Variants in CTNNA3 observed in about 807,000 individuals in gnomAD.
The protein encoded by CTNNA3 is catenin alpha-3.
A neutral mutation model predicts 95.7 loss-of-function variants in CTNNA3; 76 were observed. That is an observed-to-expected ratio of 0.79 (90% confidence interval 0.66 to 0.96). CTNNA3 has a LOEUF of 0.96. Among genes scored for constraint, CTNNA3 ranks in the 40% least tolerant of loss-of-function variants. The probability of loss-of-function intolerance (pLI) is 0.00; values close to 1 mark genes in which losing one functional copy is unlikely to be tolerated. For missense variants in CTNNA3, 1,191 were observed against 1,089.8 expected (o/e 1.09, Z -1.31); for synonymous variants, 431 against 374.4 (o/e 1.15, Z -1.74).
intron 1 of CTNNA3, chr10:67,750,862 G>A (rs774373273): frequency 3.1e-6 from 5 of 1,610,772 alleles, no homozygotes; most frequent in South Asian, 1.1e-5. Flanking sequence ...CCTCACACAG[G>A]AGAAACTGAT....
At chr10:66,741,987 A>G (rs1849341404) in intron 9 of CTNNA3, among the ~76,000 whole-genome samples, 1 of 152,190 alleles carries the variant, frequency 6.6e-6, no homozygotes, top group Non-Finnish European at 1.5e-5. Context: ...TTTGAACAAT[A>G]TGAAATCTGG....
chr10:66,833,334 A>G (rs904204813), intron 7 of CTNNA3, among the ~76,000 whole-genome samples: 1 of 152,176 alleles, frequency 6.6e-6, no homozygotes. Flanking sequence ...GAATCCACCT[A>G]AAGATTTTTT....
chr10:67,745,683 C>T (rs1332483627), intron 1 of CTNNA3, among the ~76,000 whole-genome samples: 1 of 151,722 alleles, frequency 6.6e-6, no homozygotes, highest in Non-Finnish European at 1.5e-5. Flanking sequence ...TAAAAAAAGA[C>T]TCCATGAAAA....
chr10:66,929,420 C>A lies in CTNNA3; in HGVS notation c.1048-153896G>T, dbSNP rs1847247912. ...AATGTAGTTAGTAGAATCCTTAGCT[C>A]TGTCCTGTTCTGTTCAGAATTTGTC... On this transcript the variant is annotated intron_variant, in intron 7 of 17. Coordinates refer to ENST00000433211, the MANE Select transcript of CTNNA3 (RefSeq NM_013266.4). Among the ~76,000 whole-genome samples the A allele has an allele frequency of 2.0e-5, 3 of 152,142 alleles. No homozygotes were observed. In the South Asian group the frequency reaches 6.2e-4, roughly 32 times the overall value.
At chr10:66,760,133 G>C (rs1029741096) in intron 9 of CTNNA3, among the ~76,000 whole-genome samples, 3 of 152,120 alleles carry the variant, frequency 2.0e-5, no homozygotes, top group Non-Finnish European at 4.4e-5. Context: ...TGTGAGATTA[G>C]AATCAATTGT....
At chr10:67,101,218 A>C (rs2131944381) in intron 7 of CTNNA3, among the ~76,000 whole-genome samples, 1 of 151,870 alleles carries the variant, frequency 6.6e-6, no homozygotes, top group Non-Finnish European at 1.5e-5. Flanking sequence ...GCACAAGGAA[A>C]GAAACCCCAA....
intron 6 of CTNNA3, among the ~76,000 whole-genome samples, chr10:67,216,585 AG>A (rs1455629603): frequency 6.6e-6 from 1 of 152,198 alleles, no homozygotes; most frequent in Non-Finnish European, 1.5e-5. Context: ...GCATTATTCT[AG>A]GTGCTGGAGA....
chr10:66,811,586 T>G (rs770181416), intron 7 of CTNNA3, among the ~76,000 whole-genome samples: 59 of 152,248 alleles, frequency 3.9e-4, no homozygotes, highest in Non-Finnish European at 2.2e-4. Flanking sequence ...TAGCAGAACA[T>G]TTAGCGTCTC....
intron 3 of CTNNA3, among the ~76,000 whole-genome samples, chr10:67,590,139 C>A (rs1473076901): frequency 6.6e-6 from 1 of 151,994 alleles, no homozygotes; most frequent in Admixed American, 6.6e-5. Context: ...CTGTTCTTTG[C>A]AATATCATGT....
intron 13 of CTNNA3, among the ~76,000 whole-genome samples, chr10:66,211,991 T>G (rs1029547880): frequency 4.9e-5 from 7 of 142,386 alleles, no homozygotes; most frequent in Non-Finnish European, 7.6e-5. Context: ...GGGTTTTTTT[T>G]TTTTTTTTTT....
At chr10:67,315,671 T>G (rs1841015521) in intron 5 of CTNNA3, among the ~76,000 whole-genome samples, 1 of 152,136 alleles carries the variant, frequency 6.6e-6, no homozygotes, top group Non-Finnish European at 1.5e-5. Flanking sequence ...AACTCTATTT[T>G]TAAATGGAAC....
intron 5 of CTNNA3, among the ~76,000 whole-genome samples, chr10:67,401,160 G>C (rs1429533523): frequency 6.6e-6 from 1 of 152,106 alleles, no homozygotes; most frequent in Non-Finnish European, 1.5e-5. Flanking sequence ...CATCAGCTTG[G>C]AAGCAAAAGC....
chr10:66,132,397 A>C (rs2083152787), intron 13 of CTNNA3, among the ~76,000 whole-genome samples: 1 of 152,204 alleles, frequency 6.6e-6, no homozygotes, highest in Non-Finnish European at 1.5e-5. Flanking sequence ...AAAGTCAAAA[A>C]ATAACAGGTG....
At chr10:67,398,253 C>G (rs1370524285) in intron 5 of CTNNA3, among the ~76,000 whole-genome samples, 1 of 152,202 alleles carries the variant, frequency 6.6e-6, no homozygotes, top group East Asian at 1.9e-4. Flanking sequence ...TGCCCAAGGC[C>G]ATGGGAGCCC....
intron 7 of CTNNA3, among the ~76,000 whole-genome samples, chr10:67,069,438 T>G (rs993145528): frequency 2.0e-5 from 3 of 152,106 alleles, no homozygotes; most frequent in African/African-American, 7.2e-5. Context: ...TTTTGAAGTA[T>G]AAGATTTTAT....
At chr10:67,671,059 T>C (rs1021174361) in intron 1 of CTNNA3, among the ~76,000 whole-genome samples, 10 of 152,152 alleles carry the variant, frequency 6.6e-5, no homozygotes, top group African/African-American at 2.4e-4. Context: ...ACTCAGCACA[T>C]AGTCCCAACC....
At chr10:67,011,613 A>G (rs1000797779) in intron 7 of CTNNA3, among the ~76,000 whole-genome samples, 1 of 152,124 alleles carries the variant, frequency 6.6e-6, no homozygotes, top group Non-Finnish European at 1.5e-5. Flanking sequence ...TAAAATTTTT[A>G]GTAGAATTTC....
chr10:66,293,470 T>C (rs1406997315), intron 12 of CTNNA3, among the ~76,000 whole-genome samples: 1 of 152,098 alleles, frequency 6.6e-6, no homozygotes, highest in South Asian at 2.1e-4. Flanking sequence ...CAACAAGTTG[T>C]AATTTAAACT....
At chr10:67,620,431 C>T (rs1843790212) in intron 2 of CTNNA3, among the ~76,000 whole-genome samples, 1 of 152,154 alleles carries the variant, frequency 6.6e-6, no homozygotes, top group African/African-American at 2.4e-5. Flanking sequence ...TCAACCCAAT[C>T]TCCTGTTTTA....
Sources: gnomAD v4.1 joint callset for allele counts (sites outside exome capture counted in the v4.1 genomes callset) on GRCh38, gnomAD v4.1.1 for gene constraint, MANE v1.5 for transcripts, NCBI Gene and HGNC (gene_info 2026-07-23, HGNC 2026-07-21) for gene names.